Variants in CELSR2 observed in about 807,000 individuals in gnomAD.
CELSR2 encodes cadherin EGF LAG seven-pass G-type receptor 2, also known as EGF-like protein 2.
Under a neutral mutation model 251.6 loss-of-function variants are expected in CELSR2, and 81 were observed. That is an observed-to-expected ratio of 0.32 (90% CI 0.27 to 0.39). The LOEUF (loss-of-function observed/expected upper bound fraction) is 0.39, where lower values mean the gene tolerates loss of function less well. Ranked by LOEUF, CELSR2 falls within the 10% of genes least tolerant of loss-of-function variation. The probability of loss-of-function intolerance (pLI) is 1.00; values close to 1 mark genes in which losing one functional copy is unlikely to be tolerated. For synonymous variants in CELSR2, 1,721 were observed against 1,670.5 expected (o/e 1.03, Z -0.74); for missense variants, 3,365 against 3,947.7 (o/e 0.85, Z 3.96).
At position 109,258,546 on chromosome 1, in the gene CELSR2, T is replaced by C. The variant is rs1178874819; in HGVS notation, c.3425T>C (p.Leu1142Pro). Residue 1142 changes from leucine (L) to proline (P), a missense_variant, in exon 2 of 34, where the codon CTG becomes CCG. This residue lies in a region of CELSR2 where 505 missense variants were observed against 660.0 expected (regional missense o/e 0.77). Transcript: ENST00000271332. The stretch of plus-strand genomic sequence containing the variant: ...GAGGACATGTCACCCGAGCGCTTCC[T>C]GTCACCACTGCTAGGCCTCTTCATC... ...RLEDMSPERF[L>P]SPLLGLFIQA... 2 of 1,605,178 alleles carry C rather than the reference T, an allele frequency of 1.2e-6. No individual in the cohort carries two copies. Among genetic ancestry groups the C allele is most frequent in the Admixed American group, 1.7e-5 (1 of 58,986 alleles).
chr1:109,267,530 T>G lies in CELSR2; in HGVS notation c.6014-18T>G, dbSNP rs769370616. ...GTGTGTCTCCCTGAGGCCGGCCCTTTTGGCTTCCTTCCCCCAGGGACTGCT... is the reference window on the plus strand; with the variant it reads ...GTGTGTCTCCCTGAGGCCGGCCCTTGTGGCTTCCTTCCCCCAGGGACTGCT... On this transcript the variant is annotated intron_variant, in intron 15 of 33. Coordinates refer to ENST00000271332, the MANE Select transcript of CELSR2 (RefSeq NM_001408.3). 1 of 1,611,184 alleles carries G rather than the reference T, an allele frequency of 6.2e-7. No individual in the cohort carries two copies. Among genetic ancestry groups the G allele is most frequent in the Non-Finnish European group, 8.5e-7 (1 of 1,178,248 alleles).
At position 109,252,253 on chromosome 1, in the gene CELSR2, G is replaced by A. The variant is rs1180097611; in HGVS notation, c.2174G>A (p.Arg725Gln). The A allele has an allele frequency of 9.9e-6, 16 of 1,613,254 alleles. No homozygotes were observed. Among genetic ancestry groups the A allele is most frequent in the East Asian group, 6.7e-5 (3 of 44,894 alleles). The change falls in exon 1 of 34, where the codon CGG becomes CAG. Residue 725 changes from arginine to glutamine, a missense_variant. By Grantham distance (43) the Arg-to-Gln change is conservative. Coordinates refer to ENST00000271332, the MANE Select transcript of CELSR2 (RefSeq NM_001408.3). This position sits in a 1 kb window ranked among gnomAD's most constrained non-coding sequence, Gnocchi z 4.8. ...TATACAGTGAATGTTAATGAGGACC[G>A]GCCGGCAGGCACCACGGTGGTGCTG... ...SHYTVNVNED[R>Q]PAGTTVVLIS...
chr1:109,261,597 C>T lies in CELSR2; in HGVS notation c.4266C>T (p.Ile1422=). 1 of 1,614,120 alleles carries T rather than the reference C, an allele frequency of 6.2e-7. No individual in the cohort carries two copies. Residue 1422 remains isoleucine (I), a synonymous_variant, in exon 4 of 34, where the codon ATC becomes ATT. Transcript: ENST00000271332. This position sits in a 1 kb window ranked among gnomAD's most constrained non-coding sequence, Gnocchi z 4.8. ...ATGACTTTGTGGCCCTCGAGGTGAT[C>T]CAGGAGCAGGTCCAGCTCACCTTCT... The part of the protein sequence containing the change: ...EKHDFVALEV[I]QEQVQLTFSA...
chr1:109,252,679 A>G lies in CELSR2; in HGVS notation c.2600A>G (p.Glu867Gly). Residue 867 changes from glutamate (E) to glycine (G), a missense_variant, in exon 1 of 34, where the codon GAG (glutamate) becomes GGG (glycine). Glu to Gly is a moderately conservative substitution (Grantham distance 98, BLOSUM62 -2). This residue lies in a region of CELSR2 where 505 missense variants were observed against 660.0 expected (regional missense o/e 0.77). Transcript: ENST00000271332. This position sits in a 1 kb window ranked among gnomAD's most constrained non-coding sequence, Gnocchi z 4.8. ...GDDGDGDFIV[E>G]STSGIVRTLR... ...GATGGAGACGGTGACTTTATTGTTGAGTCCACGTCAGGCATCGTGCGAACG... is the reference window on the plus strand; with the variant it reads ...GATGGAGACGGTGACTTTATTGTTGGGTCCACGTCAGGCATCGTGCGAACG... 13 of 1,613,984 alleles carry G rather than the reference A, an allele frequency of 8.1e-6. No homozygotes were observed. Among genetic ancestry groups the G allele is most frequent in the Non-Finnish European group, 1.1e-5 (13 of 1,180,036 alleles).
In CELSR2 at chr1:109,273,647, G is replaced by A. The variant is rs1466590548; in HGVS notation, c.8721G>A (p.Val2907=). 1.3e-6 allele frequency: 2 copies of A among 1,496,832 alleles called. No individual in the cohort carries two copies. Among genetic ancestry groups the A allele is most frequent in the Non-Finnish European group, 1.8e-6 (2 of 1,118,920 alleles). The allele number at this position is 1,496,832 out of a possible 1,614,324, so 92.7% of individuals were successfully genotyped here. The change falls in exon 33 of 34, where the codon GTG becomes GTA. Residue 2907 remains valine (V), a synonymous_variant. Transcript: ENST00000271332. ...PIAMSIKAGT[V]DEDSSGSEFL... ...CCATGAGCATCAAGGCAGGCACGGT[G>A]GATGAGGACTCGTCAGGCTCCGAGT...
intron 6 of CELSR2, 116 bp from the exon 7 acceptor site, chr1:109,262,690 C>T: frequency 6.6e-7 from 1 of 1,514,776 alleles, no homozygotes; most frequent in Non-Finnish European, 8.9e-7. Context: ...CACTGCTCTG[C>T]AGGGCCTCTT....
rs200953951 is a variant in CELSR2, at chr1:109,268,665, G to A, written c.6403G>A (p.Ala2135Thr). The A allele has an allele frequency of 9.3e-6, 15 of 1,613,930 alleles. No individual in the cohort carries two copies. The highest frequency in any genetic ancestry group is 2.2e-5 in the East Asian group (1 of 44,886). ...ELIQQTEGGT[A>T]WLLQHYEAYA... ...GATCCAGCAGACAGAGGGTGGCACC[G>A]CCTGGCTGCTCCAGCACTATGAGGC... Residue 2135 changes from alanine to threonine, a missense_variant, in exon 18 of 34, where the codon GCC becomes ACC. Ala to Thr is a moderately conservative substitution (Grantham distance 58). Around this residue, in one of 5 missense-constraint regions of CELSR2, gnomAD observed 2,093 missense variants for 2,382.8 expected, o/e 0.88. Transcript: ENST00000271332.
intron 25 of CELSR2, 32 bp downstream of exon 25, chr1:109,271,071 T>A: frequency 6.3e-7 from 1 of 1,580,566 alleles, no homozygotes; most frequent in African/African-American, 1.3e-5. Context: ...GGGTGTCACC[T>A]GTGGCCCTCC....
At position 109,270,016 on chromosome 1, in the gene CELSR2, C is replaced by T. The variant is rs769577163; in HGVS notation, c.7191C>T (p.Phe2397=). The part of the protein sequence containing the change: ...TLAALLLTFF[F]LTLLRILRSN... ...CTGCCCTTCTGCTCACCTTCTTCTT[C>T]CTCACTCTCTTGCGTATCCTGCGCT... Residue 2397 remains phenylalanine (F), a synonymous_variant, in exon 23 of 34, where the codon TTC becomes TTT. Transcript: ENST00000271332. 6.2e-6 allele frequency: 10 copies of T among 1,614,130 alleles called. No individual in the cohort carries two copies. Among genetic ancestry groups the T allele is most frequent in the Non-Finnish European group, 8.5e-6 (10 of 1,180,032 alleles).
intron 13 of CELSR2, 108 bp downstream of exon 13, chr1:109,265,419 C>A: frequency 7.9e-7 from 1 of 1,267,964 alleles, no homozygotes; most frequent in Non-Finnish European, 1.1e-6. Context: ...GAGCTGAGGG[C>A]CTTGTGCCTT....
At chr1:109,264,051 C>T (rs1656113441) in intron 9 of CELSR2, 27 bp from the exon 10 acceptor site, 1 of 1,548,920 alleles carries the variant, frequency 6.5e-7, no homozygotes. Context: ...CGTCTGCTGA[C>T]CCTGTTTTCT....
intron 1 of CELSR2, 60 bp from the exon 2 acceptor site, chr1:109,258,372 A>G: frequency 8.1e-7 from 1 of 1,235,082 alleles, no homozygotes; most frequent in Non-Finnish European, 1.1e-6. Flanking sequence ...TGGGTGGTGC[A>G]GGAATATGCA....
Position 109,253,276 on chromosome 1 carries a change from G to A in CELSR2, c.3197G>A (p.Arg1066Gln), listed in dbSNP as rs12083590. ...GATAGTCTGACTTACAGCTTTGAGC[G>A]GGGAAATGAACTCAGCCTGGTCCTG... ...ISDSLTYSFE[R>Q]GNELSLVLLN... is the part of the protein sequence containing the mutation. Residue 1066 changes from arginine (R) to glutamine (Q), a missense_variant, in exon 1 of 34, where the codon CGG becomes CAG. By Grantham distance (43) the Arg-to-Gln change is conservative. Transcript: ENST00000271332. 2,113 of 1,613,474 alleles carry A rather than the reference G, an allele frequency of 1.3e-3. 13 individuals carry two copies. The African/African-American group carries it at 0.019, about 15-fold the overall frequency.
In CELSR2 at chr1:109,258,719, C is replaced by G; in HGVS notation, c.3598C>G (p.Leu1200Val). ...PPGPGGGPPF[L>V]PSEDLQERLY... is the part of the protein sequence containing the mutation. ...AGGGCCCGGGGGCGGGCCGCCCTTC[C>G]TGCCCTCTGAGGACCTGCAGGAGCG... is the stretch of plus-strand genomic sequence containing the variant. The change falls in exon 2 of 34, where the codon CTG becomes GTG. Residue 1200 changes from leucine (L) to valine (V), a missense_variant. Transcript: ENST00000271332. 6.4e-7 allele frequency: 1 copy of G among 1,557,140 alleles called. No homozygotes were observed.
chr1:109,273,990 T>C, intron 33 of CELSR2, 32 bp from the exon 34 acceptor site: 1 of 1,613,570 alleles, frequency 6.2e-7, no homozygotes, highest in South Asian at 1.1e-5. Context: ...TCTGTCTGCC[T>C]TTTCTGCCAC....
At position 109,271,391 on chromosome 1, in the gene CELSR2, G is replaced by A. The variant is rs1474683941; in HGVS notation, c.7682G>A (p.Gly2561Asp). Residue 2561 changes from glycine (G) to aspartate (D), a missense_variant, in exon 27 of 34, where the codon GGC becomes GAC. Gly to Asp is a moderately conservative substitution (Grantham distance 94, BLOSUM62 -1). Around this residue, in one of 5 missense-constraint regions of CELSR2, gnomAD observed 2,093 missense variants for 2,382.8 expected, o/e 0.88. Coordinates refer to ENST00000271332, the MANE Select transcript of CELSR2 (RefSeq NM_001408.3). ...TGGCCTGTCCCTATCCCCAGCTCGG[G>A]CCTGCAGCCCTCCTTCGCCGTCCTC... is the stretch of plus-strand genomic sequence containing the variant. ...QGFEKKGPVS[G>D]LQPSFAVLLL... 6.2e-7 allele frequency: 1 copy of A among 1,612,822 alleles called. No individual in the cohort carries two copies. Among genetic ancestry groups the A allele is most frequent in the Admixed American group, 1.7e-5 (1 of 59,944 alleles).
At position 109,252,748 on chromosome 1, in the gene CELSR2, G is replaced by A. The variant is rs138048818; in HGVS notation, c.2669G>A (p.Arg890Gln). Residue 890 changes from arginine (R) to glutamine (Q), a missense_variant, in exon 1 of 34, where the codon CGG becomes CAG. Physicochemically the swap from Arg to Gln is conservative, Grantham distance 43. Transcript: ENST00000271332. This position sits in a 1 kb window ranked among gnomAD's most constrained non-coding sequence, Gnocchi z 4.8. The stretch of plus-strand genomic sequence containing the variant: ...GAGAACGTGGCCCAGTATGTCTTGC[G>A]GGCATATGCAGTGGACAAGGGGATG... ...DRENVAQYVL[R>Q]AYAVDKGMPP... 2.7e-4 allele frequency: 434 copies of A among 1,614,014 alleles called. 1 individual carries two copies. Among genetic ancestry groups the A allele is most frequent in the Non-Finnish European group, 3.3e-4 (388 of 1,180,034 alleles).
At chr1:109,265,084 A>G in intron 12 of CELSR2, 75 bp downstream of exon 12, 1 of 1,600,628 alleles carries the variant, frequency 6.2e-7, no homozygotes, top group South Asian at 1.1e-5. Context: ...CAGAGCCCCG[A>G]AAGCCTGGCT....
chr1:109,269,028 T>A lies in CELSR2; in HGVS notation c.6631+20T>A. 6.2e-7 allele frequency: 1 copy of A among 1,605,070 alleles called. No homozygotes were observed. Among genetic ancestry groups the A allele is most frequent in the South Asian group, 1.1e-5 (1 of 90,714 alleles). ...TCAGAGGTCAGTGGTGGCCATGGAT[T>A]GAGTTGGGAGCTGGACCCCAGTGTC... On this transcript the variant is annotated intron_variant, in intron 19 of 33. Transcript: ENST00000271332. This position sits in a 1 kb window ranked among gnomAD's most constrained non-coding sequence, Gnocchi z 6.4.
Sources: allele counts gnomAD v4.1 joint callset, GRCh38; gene constraint gnomAD v4.1.1; regional missense constraint gnomAD v4.1.1; non-coding constraint Gnocchi (gnomAD v3.1); transcripts MANE v1.5; gene names NCBI Gene and HGNC (gene_info 2026-07-23, HGNC 2026-07-21).